Variants in HIP1 observed in about 807,000 individuals in gnomAD.
HIP1 encodes the protein huntingtin interacting protein 1, also known as huntingtin-interacting protein 1.
A neutral mutation model predicts 147.6 loss-of-function variants in HIP1; 65 were observed. The observed-to-expected ratio is 0.44, with a 90% CI of 0.36 to 0.54. The LOEUF is 0.54. Ranked by LOEUF, HIP1 falls within the 20% of genes least tolerant of loss-of-function variation. HIP1 has a pLI of 0.00. For synonymous variants in HIP1, 479 were observed against 504.0 expected (o/e 0.95, Z 0.67); for missense variants, 1,061 against 1,299.6 (o/e 0.82, Z 2.82).
At chr7:75,586,204 T>G (rs1179661465) in intron 5 of HIP1, among the ~76,000 whole-genome samples, 2 of 143,858 alleles carry the variant, frequency 1.4e-5, no homozygotes, top group African/African-American at 5.2e-5. Context: ...CTTTTTTTTG[T>G]TTTTTTTTTT....
At chr7:75,557,850 G>T in intron 15 of HIP1, 80 bp from the exon 16 acceptor site, 3 of 1,057,552 alleles carry the variant, frequency 2.8e-6, no homozygotes, top group Non-Finnish European at 4.4e-6. Context: ...TCATACTCAG[G>T]CTGTGCGTGC....
In HIP1 at chr7:75,586,801, G is replaced by A; in HGVS notation, c.417C>T (p.Cys139=). The A allele has an allele frequency of 6.2e-7, 1 of 1,613,464 alleles. No homozygotes were observed. The highest frequency in any genetic ancestry group is 8.5e-7 in the Non-Finnish European group (1 of 1,179,486). The change falls in exon 5 of 31, where the codon TGC becomes TGT. Residue 139 remains cysteine, a synonymous_variant. Coordinates refer to ENST00000336926, the MANE Select transcript of HIP1 (RefSeq NM_005338.7). ...GHLSEGYGQL[C]SIYLKLLRTK... The stretch of plus-strand genomic sequence containing the variant: ...TTCTTAGCAGTTTCAGGTAGATGCT[G>A]CACAGCTGGCCATACCCCTCGCTCA...
chr7:75,605,774 G>T (rs782228501), intron 1 of HIP1, among the ~76,000 whole-genome samples: 95 of 152,162 alleles, frequency 6.2e-4, no homozygotes, highest in Non-Finnish European at 1.2e-3. Flanking sequence ...GTCCTGAGGT[G>T]ATCCCCCTGC....
At chr7:75,639,590 T>TGTGTGTGTGTGTGTGTGTGC (rs533751823) in intron 1 of HIP1, among the ~76,000 whole-genome samples, 3 of 150,012 alleles carry the variant, frequency 2.0e-5, no homozygotes, top group African/African-American at 7.4e-5. Context: ...TGTGTGTGTG[T>TGTGTGTGTGTGTGTGTGTGC]GTGCGCCCGC....
chr7:75,694,994 G>T (rs954278897), intron 1 of HIP1, among the ~76,000 whole-genome samples: 1 of 152,128 alleles, frequency 6.6e-6, no homozygotes, highest in Non-Finnish European at 1.5e-5. Context: ...CTATGGAAAA[G>T]TTCCTTCAGT....
chr7:75,599,704 C>T (rs1472223636), intron 1 of HIP1, among the ~76,000 whole-genome samples: 4 of 152,282 alleles, frequency 2.6e-5, no homozygotes, highest in East Asian at 1.9e-4. Flanking sequence ...TGGCCAGCAC[C>T]GGCGGTGGTC....
chr7:75,581,204 G>A (rs1796027759), intron 7 of HIP1, 33 bp downstream of exon 7: 1 of 1,549,096 alleles, frequency 6.5e-7, no homozygotes, highest in African/African-American at 1.4e-5. Context: ...GTTCCCATGA[G>A]AGCCTGGGTT....
chr7:75,716,022 C>T (rs919220696), intron 1 of HIP1, among the ~76,000 whole-genome samples: 1 of 152,034 alleles, frequency 6.6e-6, no homozygotes. Flanking sequence ...TCACTCATGA[C>T]TGCGGGGAGG....
chr7:75,714,228 TG>T (rs1554520377), intron 1 of HIP1, among the ~76,000 whole-genome samples: 1 of 150,578 alleles, frequency 6.6e-6, no homozygotes, highest in African/African-American at 2.4e-5. Flanking sequence ...TTAGTGGAGA[TG>T]GGGTTTCACC....
At chr7:75,596,655 G>C (rs1328826116) in intron 2 of HIP1, among the ~76,000 whole-genome samples, 1 of 152,140 alleles carries the variant, frequency 6.6e-6, no homozygotes, top group East Asian at 1.9e-4. Flanking sequence ...CAAAGTGCTG[G>C]GATTATAGGC....
chr7:75,719,450 A>G (rs1801433487), intron 1 of HIP1, among the ~76,000 whole-genome samples: 1 of 151,128 alleles, frequency 6.6e-6, no homozygotes, highest in African/African-American at 2.4e-5. Context: ...TTTGTAGTGA[A>G]CCGAGATCAT....
chr7:75,686,089 T>G (rs1800252618), intron 1 of HIP1, among the ~76,000 whole-genome samples: 1 of 148,712 alleles, frequency 6.7e-6, no homozygotes, highest in Non-Finnish European at 1.5e-5. Flanking sequence ...AGAGAGAGTG[T>G]TTTTTGGCCA....
intron 2 of HIP1, among the ~76,000 whole-genome samples, chr7:75,595,737 A>G (rs1796718758): frequency 6.6e-6 from 1 of 152,172 alleles, no homozygotes. Context: ...GTATGTGTCA[A>G]AGCCTGTAAA....
At chr7:75,547,677 A>T (rs1794621615) in intron 24 of HIP1, 78 bp downstream of exon 24, 2 of 1,214,766 alleles carry the variant, frequency 1.6e-6, no homozygotes, top group Non-Finnish European at 2.5e-6. Context: ...TAATTCCCTA[A>T]TAAGTATGCA....
intron 1 of HIP1, among the ~76,000 whole-genome samples, chr7:75,624,311 G>A (rs1359031647): frequency 6.6e-6 from 1 of 152,162 alleles, no homozygotes; most frequent in Non-Finnish European, 1.5e-5. Context: ...GCTAATTCCG[G>A]AGGTGGATTT....
At chr7:75,690,521 A>G (rs985115979) in intron 1 of HIP1, among the ~76,000 whole-genome samples, 3 of 152,176 alleles carry the variant, frequency 2.0e-5, no homozygotes, top group Non-Finnish European at 4.4e-5. Flanking sequence ...GCTGGTGGAA[A>G]TGTGCAATGG....
At chr7:75,543,044 C>G in intron 27 of HIP1, 70 bp from the exon 28 acceptor site, 7 of 1,504,076 alleles carry the variant, frequency 4.7e-6, no homozygotes, top group Non-Finnish European at 6.3e-6. Flanking sequence ...GATAATTGCT[C>G]TGATGGTTCT....
chr7:75,585,431 C>T (rs1324836411), intron 5 of HIP1, among the ~76,000 whole-genome samples: 2 of 152,118 alleles, frequency 1.3e-5, no homozygotes, highest in Non-Finnish European at 2.9e-5. Context: ...CCGCCTTGGC[C>T]TCCTGAAATG....
chr7:75,575,276 C>T (rs1449886298), intron 7 of HIP1, among the ~76,000 whole-genome samples: 4 of 152,024 alleles, frequency 2.6e-5, no homozygotes, highest in Non-Finnish European at 4.4e-5. Context: ...GCCTGGCCAA[C>T]ATGGCAAAAC....
Sources: allele counts gnomAD v4.1 joint callset (sites outside exome capture counted in the v4.1 genomes callset), GRCh38; gene constraint gnomAD v4.1.1; transcripts MANE v1.5; gene names NCBI Gene and HGNC (gene_info 2026-07-23, HGNC 2026-07-21).